The following SPAG16 variants were observed in gnomAD, a reference collection of about 807,000 sequenced individuals.
SPAG16 encodes the protein sperm-associated antigen 16 protein.
SPAG16 carries 86 observed loss-of-function variants against 80.4 expected under a neutral mutation model. That is an observed-to-expected ratio of 1.07 (90% CI 0.90 to 1.28). The LOEUF is 1.28. Ranked by LOEUF, SPAG16 falls within the 50% of genes most tolerant of loss-of-function variation. The pLI is 0.00. For synonymous variants in SPAG16, 294 were observed against 265.9 expected (o/e 1.11, Z -1.03); for missense variants, 870 against 765.3 (o/e 1.14, Z -1.61).
At chr2:214,210,839 GCA>G (rs58316951) in intron 15 of SPAG16, among the ~76,000 whole-genome samples, 10,847 of 149,414 alleles carry the variant, frequency 0.073, 1,217 homozygotes, top group African/African-American at 0.24. Flanking sequence ...ATGCGCGCGC[GCA>G]CACACACACA....
chr2:213,913,487 T>C (rs2077775674), intron 11 of SPAG16, among the ~76,000 whole-genome samples: 1 of 118,586 alleles, frequency 8.4e-6, no homozygotes, highest in African/African-American at 2.6e-5. Context: ...TGTGTGTGTG[T>C]GTCTGTGTGT....
At chr2:213,339,602 C>G (rs1048605051) in intron 5 of SPAG16, among the ~76,000 whole-genome samples, 26 of 152,052 alleles carry the variant, frequency 1.7e-4, no homozygotes, top group Non-Finnish European at 3.5e-4. Flanking sequence ...TATTGAAGAC[C>G]ATTCTCATCA....
At chr2:214,096,953 T>C (rs1417572019) in intron 13 of SPAG16, among the ~76,000 whole-genome samples, 1 of 152,106 alleles carries the variant, frequency 6.6e-6, no homozygotes, top group Non-Finnish European at 1.5e-5. Flanking sequence ...TAACAACCTG[T>C]AAACCCATAA....
intron 9 of SPAG16, among the ~76,000 whole-genome samples, chr2:213,454,219 A>C (rs73986875): frequency 0.074 from 11,281 of 152,204 alleles, 1,379 homozygotes; most frequent in African/African-American, 0.25. Context: ...AATAGAAAAC[A>C]AAAAAATTAT....
At chr2:214,013,574 TAAG>T (rs1303139559) in intron 12 of SPAG16, among the ~76,000 whole-genome samples, 2 of 152,130 alleles carry the variant, frequency 1.3e-5, no homozygotes, top group African/African-American at 4.8e-5. Flanking sequence ...GAGAAGCAAT[TAAG>T]AAAAGTAATG....
At chr2:213,934,772 T>C (rs1160771680) in intron 12 of SPAG16, among the ~76,000 whole-genome samples, 1 of 152,190 alleles carries the variant, frequency 6.6e-6, no homozygotes, top group Non-Finnish European at 1.5e-5. Flanking sequence ...GGAATACCAG[T>C]GACAATGACC....
chr2:214,042,007 TACACACACACAC>T (rs78420814), intron 13 of SPAG16, among the ~76,000 whole-genome samples: 2 of 101,220 alleles, frequency 2.0e-5, no homozygotes, highest in Non-Finnish European at 3.8e-5. Context: ...TATATATATA[TACACACACACAC>T]AAATATATAC....
intron 10 of SPAG16, among the ~76,000 whole-genome samples, chr2:213,782,855 C>G (rs2070082397): frequency 6.6e-6 from 1 of 152,146 alleles, no homozygotes; most frequent in Non-Finnish European, 1.5e-5. Context: ...TAATTTTTCT[C>G]AAGCAAACTT....
intron 15 of SPAG16, among the ~76,000 whole-genome samples, chr2:214,248,119 T>C (rs746527071): frequency 5.9e-5 from 9 of 151,504 alleles, no homozygotes; most frequent in Non-Finnish European, 1.0e-4. Context: ...AGTTCAGATA[T>C]AAAAGTATAT....
Position 214,043,730 on chromosome 2 carries a change from G to C in SPAG16, c.1527+29653G>C, listed in dbSNP as rs189573177. On this transcript the variant is annotated intron_variant, in intron 13 of 15. Coordinates refer to ENST00000331683, the MANE Select transcript of SPAG16 (RefSeq NM_024532.5). ...AACAGTGTAGTGGCCGAATTGCTTA[G>C]ATAATTGATATTATATTTATGGTAT... Among the ~76,000 whole-genome samples the C allele has an allele frequency of 1.4e-3, 219 of 152,232 alleles. 3 individuals are homozygous for C. Among genetic ancestry groups the C allele is most frequent in the Admixed American group, 0.013 (200 of 15,300 alleles).
At chr2:213,496,170 AG>A (rs2074479439) in intron 10 of SPAG16, among the ~76,000 whole-genome samples, 1 of 152,178 alleles carries the variant, frequency 6.6e-6, no homozygotes, top group Non-Finnish European at 1.5e-5. Context: ...GAAAAGTATA[AG>A]GTTTCCTGGA....
chr2:213,512,644 C>T (rs1182803730), intron 10 of SPAG16, among the ~76,000 whole-genome samples: 1 of 152,084 alleles, frequency 6.6e-6, no homozygotes, highest in Admixed American at 6.5e-5. Context: ...AGATTAAGAG[C>T]CCAGCACTGT....
chr2:213,770,268 A>G (rs1037624991), intron 10 of SPAG16, among the ~76,000 whole-genome samples: 2 of 151,728 alleles, frequency 1.3e-5, no homozygotes, highest in African/African-American at 2.4e-5. Context: ...GTTTTTACGG[A>G]TATGTCATTT....
intron 15 of SPAG16, among the ~76,000 whole-genome samples, chr2:214,256,121 C>T (rs938943649): frequency 6.6e-6 from 1 of 151,874 alleles, no homozygotes; most frequent in African/African-American, 2.4e-5. Context: ...GGTGTGTCAA[C>T]ATTTTTAAGT....
At chr2:214,169,588 G>A (rs778541499) in intron 15 of SPAG16, among the ~76,000 whole-genome samples, 27 of 152,142 alleles carry the variant, frequency 1.8e-4, no homozygotes, top group Middle Eastern at 3.4e-3. Context: ...TCCCTTGAGT[G>A]TAAGACGAAC....
At chr2:214,102,116 GT>G (rs200535752) in intron 13 of SPAG16, among the ~76,000 whole-genome samples, 2 of 109,660 alleles carry the variant, frequency 1.8e-5, no homozygotes, top group African/African-American at 7.7e-5. Context: ...GTGGTTTTTT[GT>G]TTTTTTTTTT....
At chr2:214,054,106 T>C (rs59065833) in intron 13 of SPAG16, among the ~76,000 whole-genome samples, 25,314 of 151,780 alleles carry the variant, frequency 0.17, 2,153 homozygotes, top group African/African-American at 0.19. Context: ...GCCTCCCGGG[T>C]TCAAGCAATT....
intron 10 of SPAG16, among the ~76,000 whole-genome samples, chr2:213,622,823 T>C (rs1313297048): frequency 6.2e-5 from 9 of 145,802 alleles, no homozygotes. Flanking sequence ...TTGTTTTGTT[T>C]TGTGTGTGTG....
chr2:213,602,923 C>A (rs972461317), intron 10 of SPAG16, among the ~76,000 whole-genome samples: 1 of 152,182 alleles, frequency 6.6e-6, no homozygotes, highest in African/African-American at 2.4e-5. Context: ...AACTTTATGG[C>A]TTTATATATT....
Sources: gnomAD v4.1 joint callset for allele counts (sites outside exome capture counted in the v4.1 genomes callset) on GRCh38, gnomAD v4.1.1 for gene constraint, MANE v1.5 for transcripts, NCBI Gene and HGNC (gene_info 2026-07-23, HGNC 2026-07-21) for gene names.